OSBP2: variants seen among roughly 807,000 people sequenced by gnomAD.
OSBP2 encodes the protein oxysterol binding protein 2.
Under a neutral mutation model 96.0 loss-of-function variants are expected in OSBP2, and 66 were observed. The ratio of observed to expected loss-of-function variants is 0.69; its 90% confidence interval spans 0.56 to 0.84. The LOEUF (loss-of-function observed/expected upper bound fraction) is 0.84, where lower values mean the gene tolerates loss of function less well. Ranked by LOEUF, OSBP2 falls within the 40% of genes least tolerant of loss-of-function variation. OSBP2 has a pLI of 0.00. For missense variants in OSBP2, 1,038 were observed against 1,222.7 expected (o/e 0.85, Z 2.25); for synonymous variants, 525 against 520.9 (o/e 1.01, Z -0.11).
intron 2 of OSBP2, among the ~76,000 whole-genome samples, chr22:30,796,499 T>A (rs5749166): frequency 0.12 from 17,843 of 152,118 alleles, 1,152 homozygotes; most frequent in East Asian, 0.2. Context: ...TAATTTTTTT[T>A]AATTATTTAT....
intron 2 of OSBP2, among the ~76,000 whole-genome samples, chr22:30,775,558 G>T (rs1408261721): frequency 6.6e-6 from 1 of 152,064 alleles, no homozygotes; most frequent in South Asian, 2.1e-4. Context: ...CAGAGAGGTT[G>T]CAGTGAGCCG....
intron 12 of OSBP2, chr22:30,902,111 AAAAAAAAAAAAAACG>A (rs567095673): frequency 0.019 from 1,620 of 85,782 alleles, 5 homozygotes; most frequent in Middle Eastern, 0.053. Flanking sequence ...GCAATATAAG[AAAAAAAAAAAAAACG>A]AAAAAAAAAA....
chr22:30,799,115 T>TCC (rs1183097515), intron 2 of OSBP2, among the ~76,000 whole-genome samples: 62 of 150,044 alleles, frequency 4.1e-4, no homozygotes, highest in Middle Eastern at 3.4e-3. Context: ...CTTCCTTCCT[T>TCC]TCTTTCTCTT....
intron 2 of OSBP2, among the ~76,000 whole-genome samples, chr22:30,744,984 C>T (rs1035967469): frequency 1.1e-4 from 16 of 151,972 alleles, no homozygotes; most frequent in Admixed American, 1.1e-3. Flanking sequence ...CTTTTCTGAC[C>T]GCAGTGGAAT....
At chr22:30,720,187 C>A (rs2089525864) in intron 1 of OSBP2, among the ~76,000 whole-genome samples, 1 of 152,316 alleles carries the variant, frequency 6.6e-6, no homozygotes, top group Non-Finnish European at 1.5e-5. Flanking sequence ...TTATCTGTTG[C>A]CGCATAACAA....
chr22:30,804,673 C>T (rs770787506), intron 2 of OSBP2, among the ~76,000 whole-genome samples: 9 of 152,202 alleles, frequency 5.9e-5, no homozygotes, highest in East Asian at 5.8e-4. Flanking sequence ...ATAATAACTG[C>T]GCATCTGACA....
At chr22:30,754,183 GTGCGTGAGAAGA>G (rs2090113218) in intron 2 of OSBP2, among the ~76,000 whole-genome samples, 1 of 152,138 alleles carries the variant, frequency 6.6e-6, no homozygotes, top group Non-Finnish European at 1.5e-5. Flanking sequence ...ACTTTTCCAA[GTGCGTGAGAAGA>G]TGCTGAAACT....
chr22:30,825,067 A>G (rs151200513), intron 2 of OSBP2, among the ~76,000 whole-genome samples: 2,089 of 152,338 alleles, frequency 0.014, 30 homozygotes, highest in Middle Eastern at 0.048. Flanking sequence ...CCCTGCTCCC[A>G]GATCTAAGCA....
At chr22:30,730,795 TATATATATATATA>T (rs2089758211) in intron 1 of OSBP2, among the ~76,000 whole-genome samples, 2 of 54,752 alleles carry the variant, frequency 3.7e-5, no homozygotes, top group South Asian at 8.5e-4. Context: ...TATATATATA[TATATATATATATA>T]ATTTTTTTTT....
Position 30,725,622 on chromosome 22 carries a change from G to A in OSBP2, c.645-15539G>A, listed in dbSNP as rs536217738. Among the ~76,000 whole-genome samples, 8 of 151,870 alleles carry A rather than the reference G, an allele frequency of 5.3e-5. No homozygotes were observed. The South Asian group carries it at 1.7e-3, about 32-fold the overall frequency. On this transcript the variant is annotated intron_variant, in intron 1 of 13. Coordinates refer to ENST00000332585, the MANE Select transcript of OSBP2 (RefSeq NM_030758.4). The stretch of plus-strand genomic sequence containing the variant: ...ACCAGTTCTATGGACCAGGGCAAGT[G>A]ATTTGTCCTTTCCTGATCTCCTCCC...
rs961349966 is a variant in OSBP2 at position 30,694,924 on chromosome 22, G to A, written c.15G>A (p.Ala5=). 2.7e-5 allele frequency: 39 copies of A among 1,456,808 alleles called. No individual in the cohort carries two copies. The highest frequency in any genetic ancestry group is 3.4e-5 in the Non-Finnish European group (38 of 1,112,638). The allele number at this position is 1,456,808 out of a possible 1,614,324, so 90.2% of individuals were successfully genotyped here. Residue 5 remains alanine, a synonymous_variant, in exon 1 of 14, where the codon GCG becomes GCA. Transcript: ENST00000332585. ...CGGCCGGCTCTATGGGGAAAGCGGCGGCTCCGAGCCGAGGCGGCGGCTGTG... is the reference window on the plus strand; with the variant it reads ...CGGCCGGCTCTATGGGGAAAGCGGCAGCTCCGAGCCGAGGCGGCGGCTGTG... MGKA[A]APSRGGGCGG...
At chr22:30,860,806 C>T (rs538890946) in intron 2 of OSBP2, among the ~76,000 whole-genome samples, 1 of 152,308 alleles carries the variant, frequency 6.6e-6, no homozygotes, top group South Asian at 2.1e-4. Flanking sequence ...AAGCTGTGGG[C>T]AGCAGGCCAT....
chr22:30,715,974 C>T (rs915485911), intron 1 of OSBP2, among the ~76,000 whole-genome samples: 2 of 151,582 alleles, frequency 1.3e-5, no homozygotes, highest in African/African-American at 4.8e-5. Context: ...CTCAGCCTCC[C>T]GAAGTATCGG....
intron 2 of OSBP2, among the ~76,000 whole-genome samples, chr22:30,856,561 AT>A (rs2039083858): frequency 6.6e-6 from 1 of 151,018 alleles, no homozygotes; most frequent in African/African-American, 2.4e-5. Context: ...TAATTTTTGT[AT>A]TTTTAGTAGA....
Position 30,870,800 on chromosome 22 carries a change from G to C in OSBP2, c.1107+118G>C. On this transcript the variant is annotated intron_variant, in intron 3 of 13. Transcript: ENST00000332585. This position sits in a 1 kb window ranked among gnomAD's most constrained non-coding sequence, Gnocchi z 4.1. ...GCGTTCCATTTCCTGCGGTTCCACG[G>C]TGTTTCCCAAAGCCAGCGCCCCCCA... 8.9e-7 allele frequency: 1 copy of C among 1,125,742 alleles called. No individual in the cohort carries two copies. The highest frequency in any genetic ancestry group is 1.3e-6 in the Non-Finnish European group (1 of 796,518). 69.7% of individuals were successfully genotyped at this position (1,125,742 alleles called of 1,614,324 possible). A position where few individuals can be genotyped will look rare whatever the true frequency, so the allele number is the denominator to read the frequency against.
At chr22:30,879,206 C>T (rs1022013344) in intron 3 of OSBP2, among the ~76,000 whole-genome samples, 2 of 152,218 alleles carry the variant, frequency 1.3e-5, no homozygotes, top group East Asian at 1.9e-4. Flanking sequence ...CTTGTCCCTC[C>T]GGGGCCTGTG....
intron 1 of OSBP2, among the ~76,000 whole-genome samples, chr22:30,738,622 G>T (rs2089890059): frequency 6.6e-6 from 1 of 151,584 alleles, no homozygotes; most frequent in Non-Finnish European, 1.5e-5. Context: ...GTGCAATGGT[G>T]CAATCTTGTC....
intron 2 of OSBP2, among the ~76,000 whole-genome samples, chr22:30,781,741 T>C (rs921419673): frequency 6.6e-6 from 1 of 152,208 alleles, no homozygotes; most frequent in Non-Finnish European, 1.5e-5. Context: ...AGGAAGGTTC[T>C]GGGCCTCCAG....
intron 2 of OSBP2, among the ~76,000 whole-genome samples, chr22:30,775,661 A>G (rs2090423252): frequency 6.6e-6 from 1 of 152,138 alleles, no homozygotes; most frequent in Non-Finnish European, 1.5e-5. Flanking sequence ...CAAGACCACG[A>G]TCCTACCTGA....
Sources: allele counts gnomAD v4.1 joint callset (sites outside exome capture counted in the v4.1 genomes callset), GRCh38; gene constraint gnomAD v4.1.1; non-coding constraint Gnocchi (gnomAD v3.1); transcripts MANE v1.5; gene names NCBI Gene and HGNC (gene_info 2026-07-23, HGNC 2026-07-21).